The following ZNF804A variants were observed in gnomAD, a reference collection of about 807,000 sequenced individuals.
The protein encoded by ZNF804A is zinc finger protein 804A.
In ZNF804A, 2 loss-of-function variants were observed where a neutral mutation model predicts 16.5. That is an observed-to-expected ratio of 0.12 (90% CI 0.05 to 0.38). The LOEUF is 0.38. Ranked by LOEUF, ZNF804A falls within the 10% of genes least tolerant of loss-of-function variation. The probability of loss-of-function intolerance (pLI) is 0.99; values close to 1 mark genes in which losing one functional copy is unlikely to be tolerated. For missense variants in ZNF804A, 1,473 were observed against 1,390.7 expected, an observed-to-expected ratio of 1.06 and a Z score of -0.94; for synonymous variants, 534 against 489.6, an observed-to-expected ratio of 1.09 and a Z score of -1.20.
chr2:184,647,058 A>G (rs1691889187), intron 1 of ZNF804A, among the ~76,000 whole-genome samples: 1 of 152,138 alleles, frequency 6.6e-6, no homozygotes, highest in Non-Finnish European at 1.5e-5. Context: ...AAAACCATCA[A>G]CTGGCTCATA....
In ZNF804A at chr2:184,835,996, G is replaced by A. The variant is rs141667415; in HGVS notation, c.112-30373G>A. Among the ~76,000 whole-genome samples the A allele has an allele frequency of 2.1e-3, 327 of 152,242 alleles. 1 individual carries two copies. Among genetic ancestry groups the A allele is most frequent in the Middle Eastern group, 6.8e-3 (2 of 294 alleles). The stretch of plus-strand genomic sequence containing the variant: ...GAAAAAGGAAATTGAATAGACTCAT[G>A]CAGGCAGATTTAAATCCTAACTTTG... On this transcript the variant is annotated intron_variant, in intron 1 of 3. Coordinates refer to ENST00000302277, the MANE Select transcript of ZNF804A (RefSeq NM_194250.2).
chr2:184,628,888 T>C (rs1691554500), intron 1 of ZNF804A, among the ~76,000 whole-genome samples: 1 of 152,222 alleles, frequency 6.6e-6, no homozygotes, highest in Admixed American at 6.5e-5. Context: ...GTTTCTGTGG[T>C]ATTCACATAC....
chr2:184,781,507 T>C (rs904921254), intron 1 of ZNF804A, among the ~76,000 whole-genome samples: 17 of 151,944 alleles, frequency 1.1e-4, no homozygotes, highest in African/African-American at 3.1e-4. Context: ...AACACAATGG[T>C]TTAAGTACTT....
intron 1 of ZNF804A, among the ~76,000 whole-genome samples, chr2:184,862,854 G>C (rs1695820279): frequency 6.6e-6 from 1 of 151,998 alleles, no homozygotes; most frequent in African/African-American, 2.4e-5. Flanking sequence ...GGAGCTATTT[G>C]CACACACTGA....
intron 1 of ZNF804A, among the ~76,000 whole-genome samples, chr2:184,743,081 G>T (rs2105753907): frequency 6.6e-6 from 1 of 152,036 alleles, no homozygotes; most frequent in African/African-American, 2.4e-5. Flanking sequence ...CAAAATTGAT[G>T]TTTTTTGTCT....
intron 1 of ZNF804A, among the ~76,000 whole-genome samples, chr2:184,785,332 G>A (rs946253946): frequency 1.3e-4 from 19 of 151,978 alleles, no homozygotes; most frequent in Admixed American, 9.9e-4. Flanking sequence ...AATACTCTGT[G>A]ATTAAGTGTG....
At chr2:184,916,777 G>A (rs1685456365) in intron 2 of ZNF804A, among the ~76,000 whole-genome samples, 1 of 151,994 alleles carries the variant, frequency 6.6e-6, no homozygotes, top group African/African-American at 2.4e-5. Flanking sequence ...GAACCCAGGA[G>A]GCAGAGGCTC....
chr2:184,893,302 C>G (rs192621901), intron 2 of ZNF804A, among the ~76,000 whole-genome samples: 1 of 151,912 alleles, frequency 6.6e-6, no homozygotes, highest in African/African-American at 2.4e-5. Flanking sequence ...CAACTTAGGA[C>G]TCAAAGTAAA....
Position 184,904,175 on chromosome 2 carries a change from C to T in ZNF804A, c.256-29428C>T, listed in dbSNP as rs115103686. On this transcript the variant is annotated intron_variant, in intron 2 of 3. Coordinates refer to ENST00000302277, the MANE Select transcript of ZNF804A (RefSeq NM_194250.2). ...TAAACTTAAACTAGGAGGTGAATTA[C>T]ATGTATAATGAAAACTACAAAATAC... 8.2e-3 allele frequency among the ~76,000 whole-genome samples: 1,252 copies of T among 151,998 alleles called. 12 individuals carry two copies. The highest frequency in any genetic ancestry group is 0.061 in the Middle Eastern group (18 of 294).
intron 2 of ZNF804A, among the ~76,000 whole-genome samples, chr2:184,913,445 C>T (rs973901036): frequency 3.9e-5 from 6 of 152,110 alleles, no homozygotes; most frequent in Non-Finnish European, 8.8e-5. Context: ...TCTTATAAAG[C>T]AAGTCCACTA....
chr2:184,656,789 C>T (rs982284690), intron 1 of ZNF804A, among the ~76,000 whole-genome samples: 11 of 151,710 alleles, frequency 7.3e-5, no homozygotes, highest in Non-Finnish European at 1.6e-4. Flanking sequence ...ACAGGACAAT[C>T]ATTTTCCAGT....
chr2:184,720,900 T>G (rs989085522), intron 1 of ZNF804A, among the ~76,000 whole-genome samples: 1 of 152,052 alleles, frequency 6.6e-6, no homozygotes, highest in Non-Finnish European at 1.5e-5. Context: ...AACAGATACA[T>G]AAAGCAATGC....
intron 1 of ZNF804A, among the ~76,000 whole-genome samples, chr2:184,797,762 C>T (rs904682323): frequency 6.6e-6 from 1 of 151,704 alleles, no homozygotes; most frequent in Non-Finnish European, 1.5e-5. Context: ...ATTTTTTGCT[C>T]TTTGTTTTTG....
chr2:184,747,414 C>T (rs1693806737), intron 1 of ZNF804A, among the ~76,000 whole-genome samples: 1 of 147,922 alleles, frequency 6.8e-6, no homozygotes, highest in Non-Finnish European at 1.5e-5. Flanking sequence ...GTATTTTGCT[C>T]ATTTTTTAAA....
At chr2:184,675,020 A>T (rs948680379) in intron 1 of ZNF804A, among the ~76,000 whole-genome samples, 4 of 151,784 alleles carry the variant, frequency 2.6e-5, no homozygotes, top group African/African-American at 9.7e-5. Flanking sequence ...TGCCTTAGTT[A>T]TGTATATACG....
chr2:184,931,144 G>C (rs1328815554), intron 2 of ZNF804A, among the ~76,000 whole-genome samples: 1 of 152,194 alleles, frequency 6.6e-6, no homozygotes, highest in East Asian at 1.9e-4. Flanking sequence ...AGCTGGTGTT[G>C]AGTGTCTGTG....
chr2:184,828,742 G>T (rs1446521934), intron 1 of ZNF804A, among the ~76,000 whole-genome samples: 2 of 151,714 alleles, frequency 1.3e-5, no homozygotes, highest in Admixed American at 1.3e-4. Flanking sequence ...TTGAGCTTCT[G>T]TTAGCTCTAC....
At chr2:184,766,927 T>C (rs945198432) in intron 1 of ZNF804A, among the ~76,000 whole-genome samples, 1 of 152,016 alleles carries the variant, frequency 6.6e-6, no homozygotes, top group African/African-American at 2.4e-5. Flanking sequence ...AATGAGGTTT[T>C]AGGGAAAGGC....
intron 1 of ZNF804A, among the ~76,000 whole-genome samples, chr2:184,850,275 C>T (rs1237364811): frequency 6.6e-6 from 1 of 151,820 alleles, no homozygotes; most frequent in Non-Finnish European, 1.5e-5. Context: ...ATGGATACTC[C>T]AATGACCCTG....
Sources: gnomAD v4.1 joint callset for allele counts (sites outside exome capture counted in the v4.1 genomes callset) on GRCh38, gnomAD v4.1.1 for gene constraint, MANE v1.5 for transcripts, NCBI Gene and HGNC (gene_info 2026-07-23, HGNC 2026-07-21) for gene names.